The following RAPGEF2 variants were observed in gnomAD, a reference collection of about 807,000 sequenced individuals.
RAPGEF2 encodes the protein Rap guanine nucleotide exchange factor 2, also known as PDZ domain containing guanine nucleotide exchange factor (GEF) 1.
Under a neutral mutation model 186.7 loss-of-function variants are expected in RAPGEF2, and 54 were observed. That is an observed-to-expected ratio of 0.29 (90% CI 0.23 to 0.36). RAPGEF2 has a LOEUF of 0.36. RAPGEF2 is among the 10% of genes least tolerant of loss of function. The pLI is 1.00. For missense variants in RAPGEF2, 1,532 were observed against 2,045.0 expected, an observed-to-expected ratio of 0.75 and a Z score of 4.84; for synonymous variants, 712 against 705.9, an observed-to-expected ratio of 1.01 and a Z score of -0.14.
At chr4:159,270,691 C>T (rs532170652) in intron 7 of RAPGEF2, among the ~76,000 whole-genome samples, 9 of 152,214 alleles carry the variant, frequency 5.9e-5, no homozygotes, top group South Asian at 2.1e-4. Flanking sequence ...ACATAATAGA[C>T]GTACGATAAA....
chr4:159,273,223 G>A (rs1758339951), intron 7 of RAPGEF2, among the ~76,000 whole-genome samples: 1 of 152,210 alleles, frequency 6.6e-6, no homozygotes, highest in Admixed American at 6.5e-5. Context: ...GGGACTGAGA[G>A]GAAGCATATC....
intron 17 of RAPGEF2, among the ~76,000 whole-genome samples, chr4:159,335,972 A>G (rs1001477616): frequency 9.9e-5 from 15 of 151,998 alleles, no homozygotes; most frequent in African/African-American, 3.4e-4. Flanking sequence ...TGTATTACAT[A>G]GCAGGTTTTT....
rs35882271 is a variant in RAPGEF2 at position 159,108,383 on chromosome 4, CTTTTTTTTTTTTT to C, written c.69+4163_69+4175del. 9.3e-5 allele frequency among the ~76,000 whole-genome samples: 10 copies of C among 107,888 alleles called. No individual in the cohort carries two copies. The East Asian group carries it at 2.9e-3, about 31-fold the overall frequency. 70.8% of individuals were successfully genotyped at this position (107,888 alleles called of 152,430 possible). A position where few individuals can be genotyped will look rare whatever the true frequency, so the allele number is the denominator to read the frequency against. Reference sequence around the variant, plus strand: ...AAATGCTGGAATTTCACAGAACTTTCTTTTTTTTTTTTTTTTTTTTTTTAAGGAGAAGATGACC... The same window carrying C: ...AAATGCTGGAATTTCACAGAACTTTCTTTTTTTTTTAAGGAGAAGATGACC... On this transcript the variant is annotated intron_variant, in intron 1 of 29. Transcript: ENST00000691494.
intron 4 of RAPGEF2, among the ~76,000 whole-genome samples, chr4:159,235,020 A>G (rs182001473): frequency 2.2e-4 from 34 of 152,272 alleles, no homozygotes; most frequent in African/African-American, 8.2e-4. Flanking sequence ...TCGGCCTTCC[A>G]AAGTGCTGGA....
At chr4:159,285,415 T>G (rs1760325071) in intron 7 of RAPGEF2, among the ~76,000 whole-genome samples, 1 of 152,212 alleles carries the variant, frequency 6.6e-6, no homozygotes, top group African/African-American at 2.4e-5. Context: ...TTGCTAATCC[T>G]GTTGATAAAA....
At chr4:159,259,098 A>G (rs1756513858) in intron 7 of RAPGEF2, among the ~76,000 whole-genome samples, 4 of 152,210 alleles carry the variant, frequency 2.6e-5, no homozygotes, top group Admixed American at 1.3e-4. Context: ...CAAAGAGGTT[A>G]AGTAACATGT....
intron 7 of RAPGEF2, chr4:159,268,328 T>A: frequency 1.2e-6 from 1 of 863,126 alleles, no homozygotes; most frequent in Non-Finnish European, 1.8e-6. Context: ...GAAGGTATAG[T>A]AGTCTGCTTG....
intron 4 of RAPGEF2, among the ~76,000 whole-genome samples, chr4:159,215,212 A>G (rs2111385024): frequency 6.6e-6 from 1 of 151,926 alleles, no homozygotes; most frequent in South Asian, 2.1e-4. Flanking sequence ...TCAGTCTGTC[A>G]TCTGGGCTTG....
chr4:159,252,445 A>G (rs1755574099), intron 7 of RAPGEF2, among the ~76,000 whole-genome samples: 1 of 152,190 alleles, frequency 6.6e-6, no homozygotes, highest in Non-Finnish European at 1.5e-5. Context: ...TCATTTTGCC[A>G]TTTGTTAATT....
At chr4:159,283,720 A>G (rs560286945) in intron 7 of RAPGEF2, among the ~76,000 whole-genome samples, 2 of 152,344 alleles carry the variant, frequency 1.3e-5, no homozygotes, top group South Asian at 2.1e-4. Flanking sequence ...AGATATTTTT[A>G]TAGTATGAAA....
intron 2 of RAPGEF2, among the ~76,000 whole-genome samples, chr4:159,191,027 C>G (rs1339629472): frequency 1.3e-5 from 2 of 152,042 alleles, no homozygotes; most frequent in Non-Finnish European, 1.5e-5. Context: ...GAGTGGCTGC[C>G]GTGATGAGAG....
intron 24 of RAPGEF2, 58 bp from the exon 25 acceptor site, chr4:159,346,731 A>G (rs964313857): frequency 2.2e-5 from 30 of 1,389,312 alleles, no homozygotes; most frequent in African/African-American, 7.2e-5. Context: ...ATTATCTTCT[A>G]CATACCTACT....
chr4:159,243,427 G>C (rs1400895447), intron 6 of RAPGEF2, among the ~76,000 whole-genome samples: 1 of 151,782 alleles, frequency 6.6e-6, no homozygotes, highest in African/African-American at 2.4e-5. Flanking sequence ...ATAGTAAAAA[G>C]AATTAAATAG....
Position 159,113,667 on chromosome 4 carries a change from A to G in RAPGEF2, c.69+9436A>G, listed in dbSNP as rs1469564142. 3.4e-5 allele frequency among the ~76,000 whole-genome samples: 5 copies of G among 149,066 alleles called. No individual in the cohort carries two copies. In the East Asian group the frequency reaches 8.0e-4, roughly 24 times the overall value. ...TGAGGCAAGAGAATCACTTGAACCCAGGAGGTGGAGGTTGCAGTGAGCCGA... is the reference window on the plus strand; with the variant it reads ...TGAGGCAAGAGAATCACTTGAACCCGGGAGGTGGAGGTTGCAGTGAGCCGA... On this transcript the variant is annotated intron_variant, in intron 1 of 29. Transcript: ENST00000691494.
chr4:159,113,137 A>C (rs905501318), intron 1 of RAPGEF2, among the ~76,000 whole-genome samples: 2 of 152,214 alleles, frequency 1.3e-5, no homozygotes, highest in Non-Finnish European at 1.5e-5. Flanking sequence ...ACTGCCACAC[A>C]TTGGAAGAAA....
chr4:159,323,625 A>C lies in RAPGEF2; in HGVS notation c.1149+8A>C. The C allele has an allele frequency of 2.1e-6, 3 of 1,457,072 alleles. No homozygotes were observed. Among genetic ancestry groups the C allele is most frequent in the Middle Eastern group, 1.8e-4 (1 of 5,528 alleles). The allele number at this position is 1,457,072 out of a possible 1,614,324, so 90.3% of individuals were successfully genotyped here. On this transcript the variant is annotated splice_region_variant and intron_variant, in intron 11 of 29. Coordinates refer to ENST00000691494, the MANE Select transcript of RAPGEF2 (RefSeq NM_001394067.2). The stretch of plus-strand genomic sequence containing the variant: ...AAGGTGGATGACTGCCAGGTATAAA[A>C]TATATCATTAAAAATATATATTTTA...
At chr4:159,281,116 C>T (rs1047289272) in intron 7 of RAPGEF2, among the ~76,000 whole-genome samples, 7 of 151,792 alleles carry the variant, frequency 4.6e-5, no homozygotes, top group Non-Finnish European at 8.8e-5. Context: ...CTCAGTCTCC[C>T]GAGTAGCTGG....
At chr4:159,184,839 T>A (rs908590901) in intron 1 of RAPGEF2, among the ~76,000 whole-genome samples, 2 of 152,208 alleles carry the variant, frequency 1.3e-5, no homozygotes, top group African/African-American at 2.4e-5. Flanking sequence ...CTGAATGGTA[T>A]TGCCTAGGTT....
At chr4:159,326,232 T>G (rs1765904178) in intron 11 of RAPGEF2, among the ~76,000 whole-genome samples, 1 of 152,192 alleles carries the variant, frequency 6.6e-6, no homozygotes, top group South Asian at 2.1e-4. Flanking sequence ...GTCATATAAC[T>G]GTCAGAAAAT....
Sources: gnomAD v4.1 joint callset for allele counts (sites outside exome capture counted in the v4.1 genomes callset) on GRCh38, gnomAD v4.1.1 for gene constraint, MANE v1.5 for transcripts, NCBI Gene and HGNC (gene_info 2026-07-23, HGNC 2026-07-21) for gene names.